Variants in RANBP2 observed in about 807,000 individuals in gnomAD.
RANBP2 encodes RAN binding protein 2.
A neutral mutation model predicts 303.6 loss-of-function variants in RANBP2; 57 were observed. That is an observed-to-expected ratio of 0.19 (90% CI 0.15 to 0.23). RANBP2 has a LOEUF of 0.23. RANBP2 is among the 10% of genes least tolerant of loss of function. The pLI is 1.00. For synonymous variants in RANBP2, 1,167 were observed against 1,301.5 expected, an observed-to-expected ratio of 0.90 and a Z score of 2.23; for missense variants, 3,138 against 3,780.8, an observed-to-expected ratio of 0.83 and a Z score of 4.46.
chr2:109,089,676 A>T, the RANBP2 span, among the ~76,000 whole-genome samples: 3 of 152,154 alleles, frequency 2.0e-5, no homozygotes, highest in African/African-American at 7.2e-5. Flanking sequence ...AGGGATAAGG[A>T]AACAAAATGA....
At chr2:108,958,523 G>A in the RANBP2 span, among the ~76,000 whole-genome samples, 1 of 152,166 alleles carries the variant, frequency 6.6e-6, no homozygotes, top group Non-Finnish European at 1.5e-5. Flanking sequence ...GAACAGGGGG[G>A]CATGGCAAGA....
chr2:109,044,850 T>C, the RANBP2 span, among the ~76,000 whole-genome samples: 3 of 152,202 alleles, frequency 2.0e-5, no homozygotes, highest in African/African-American at 7.2e-5. Flanking sequence ...TTTAATGTTT[T>C]AATGATGAGC....
chr2:109,690,652 G>A, the RANBP2 span, among the ~76,000 whole-genome samples: 21,958 of 151,988 alleles, frequency 0.14, 1,750 homozygotes, highest in African/African-American at 0.21. Context: ...GAATGAGCAA[G>A]TTGTTTAAGG....
At chr2:109,346,474 G>C in the RANBP2 span, among the ~76,000 whole-genome samples, 1 of 152,134 alleles carries the variant, frequency 6.6e-6, no homozygotes, top group African/African-American at 2.4e-5. Context: ...CTTCTGGTAG[G>C]AAAATCGTTG....
At chr2:109,667,164 T>A in the RANBP2 span, 5 of 1,327,538 alleles carry the variant, frequency 3.8e-6, no homozygotes, top group Admixed American at 9.5e-5. Context: ...ACATTTTAAT[T>A]CACTGCACAT....
At chr2:108,744,463 A>C (rs1291993913) in intron 7 of RANBP2, among the ~76,000 whole-genome samples, 2 of 152,126 alleles carry the variant, frequency 1.3e-5, no homozygotes, top group African/African-American at 2.4e-5. Context: ...ATTCACAACT[A>C]ATTAACTGGT....
the RANBP2 span, among the ~76,000 whole-genome samples, chr2:109,648,488 C>A: frequency 6.6e-6 from 1 of 152,016 alleles, no homozygotes; most frequent in Non-Finnish European, 1.5e-5. Flanking sequence ...GGAATACAGG[C>A]ATATGTCATG....
At chr2:108,927,976 TCTC>T in the RANBP2 span, among the ~76,000 whole-genome samples, 6 of 151,984 alleles carry the variant, frequency 3.9e-5, no homozygotes, top group South Asian at 1.2e-3. Flanking sequence ...AGATTCTTCC[TCTC>T]CTCCACCCCC....
chr2:109,566,312 C>T, the RANBP2 span, among the ~76,000 whole-genome samples: 2,515 of 151,740 alleles, frequency 0.017, 82 homozygotes, highest in African/African-American at 0.056. Flanking sequence ...GTAGAGACGG[C>T]GTTTCACCAT....
At chr2:109,300,586 G>T in the RANBP2 span, among the ~76,000 whole-genome samples, 1 of 152,306 alleles carries the variant, frequency 6.6e-6, no homozygotes, top group Non-Finnish European at 1.5e-5. Flanking sequence ...TTAGGGGTAT[G>T]ATTGGCAAAT....
chr2:109,190,400 C>T, the RANBP2 span, among the ~76,000 whole-genome samples: 1 of 152,252 alleles, frequency 6.6e-6, no homozygotes, highest in African/African-American at 2.4e-5. Context: ...TCTCAAATTC[C>T]TGACCTCAGG....
At chr2:109,400,572 TGC>T in the RANBP2 span, among the ~76,000 whole-genome samples, 4,865 of 111,466 alleles carry the variant, frequency 0.044, 254 homozygotes, top group African/African-American at 0.13. Flanking sequence ...TACACACCTG[TGC>T]GCACACACAC....
chr2:109,686,258 A>G, the RANBP2 span, among the ~76,000 whole-genome samples: 2 of 152,136 alleles, frequency 1.3e-5, no homozygotes, highest in African/African-American at 4.8e-5. Context: ...GAGGCTGGAC[A>G]CTTCTTAGGT....
chr2:109,192,618 C>G, the RANBP2 span, among the ~76,000 whole-genome samples: 1 of 152,144 alleles, frequency 6.6e-6, no homozygotes, highest in African/African-American at 2.4e-5. Context: ...AAGAGAGAAG[C>G]TGGAAGTAAA....
the RANBP2 span, among the ~76,000 whole-genome samples, chr2:109,378,148 T>C: frequency 1.3e-5 from 2 of 152,210 alleles, no homozygotes; most frequent in African/African-American, 4.8e-5. Flanking sequence ...GGTGCTGAAC[T>C]GAGGCTCCTC....
chr2:108,866,955 A>AATT, the RANBP2 span, among the ~76,000 whole-genome samples: 1 of 152,044 alleles, frequency 6.6e-6, no homozygotes, highest in Non-Finnish European at 1.5e-5. Flanking sequence ...TATTATAAAT[A>AATT]GTGCATTATA....
At chr2:108,744,898 C>T (rs1696395205) in intron 7 of RANBP2, among the ~76,000 whole-genome samples, 2 of 152,190 alleles carry the variant, frequency 1.3e-5, no homozygotes, top group African/African-American at 4.8e-5. Flanking sequence ...CAAGTAAACA[C>T]ATATATATCT....
At chr2:109,555,039 G>C in the RANBP2 span, among the ~76,000 whole-genome samples, 1 of 152,096 alleles carries the variant, frequency 6.6e-6, no homozygotes, top group Non-Finnish European at 1.5e-5. Context: ...TGATCTTTGT[G>C]ATTTTCTGCC....
At chr2:109,491,016 A>C in the RANBP2 span, 1 of 1,298,466 alleles carries the variant, frequency 7.7e-7, no homozygotes, top group Non-Finnish European at 1.0e-6. Context: ...GGGAGCAGGG[A>C]CACTGTGGCC....
Sources: gnomAD v4.1 joint callset for allele counts (sites outside exome capture counted in the v4.1 genomes callset) on GRCh38, gnomAD v4.1.1 for gene constraint, MANE v1.5 for transcripts, NCBI Gene and HGNC (gene_info 2026-07-23, HGNC 2026-07-21) for gene names.